CTPS2: variants seen among roughly 807,000 people sequenced by gnomAD.
CTPS2 encodes CTP synthase 2.
A neutral mutation model predicts 46.8 loss-of-function variants in CTPS2; 19 were observed. The observed-to-expected ratio is 0.41, with a 90% CI of 0.28 to 0.60. The LOEUF (loss-of-function observed/expected upper bound fraction) is 0.60. Among genes scored for constraint, CTPS2 ranks in the 20% least tolerant of loss-of-function variants. The probability of loss-of-function intolerance (pLI) is 0.35; values close to 1 mark genes in which losing one functional copy is unlikely to be tolerated. For synonymous variants in CTPS2, 151 were observed against 165.2 expected (o/e 0.91, Z 0.66); for missense variants, 286 against 447.6 (o/e 0.64, Z 3.26).
rs1422077098 is a variant in CTPS2, at chrX:16,660,989, C to T, written c.1296+6525G>A. On this transcript the variant is annotated intron_variant, in intron 13 of 18. Transcript: ENST00000359276. ...TTTTTTTTTTTTTGAGACAGAGTTTCGCTCTTGTTGCCCAGGCTGGAGTGC... is the reference window on the plus strand; with the variant it reads ...TTTTTTTTTTTTTGAGACAGAGTTTTGCTCTTGTTGCCCAGGCTGGAGTGC... Among the ~76,000 whole-genome samples the T allele has an allele frequency of 3.8e-5, 4 of 105,467 alleles. 1 individual carries two copies. In the South Asian group the frequency reaches 1.7e-3, roughly 45 times the overall value. The allele number at this position is 105,467 out of a possible 115,157, so 91.6% of individuals were successfully genotyped here.
chrX:16,673,603 T>C (rs1443873232), intron 10 of CTPS2, among the ~76,000 whole-genome samples: 1 of 111,459 alleles, frequency 9.0e-6, no homozygotes, highest in Non-Finnish European at 1.9e-5. Context: ...AAAGCTTTAA[T>C]TGGTTTAAAA....
At chrX:16,694,123 C>T (rs1432580467) in intron 4 of CTPS2, among the ~76,000 whole-genome samples, 1 of 111,632 alleles carries the variant, frequency 9.0e-6, no homozygotes, top group East Asian at 2.8e-4. Context: ...GAGATCACAC[C>T]GTTGCACTCC....
At chrX:16,664,171 C>T (rs1331181824) in intron 13 of CTPS2, among the ~76,000 whole-genome samples, 1 of 112,162 alleles carries the variant, frequency 8.9e-6, no homozygotes, top group African/African-American at 3.2e-5. Context: ...TACACACACC[C>T]CCAGTAAAGA....
intron 14 of CTPS2, among the ~76,000 whole-genome samples, chrX:16,626,646 C>G (rs1222171332): frequency 9.0e-6 from 1 of 111,229 alleles, no homozygotes; most frequent in South Asian, 3.8e-4. Context: ...CCATGATGCC[C>G]TCTTGCTCTG....
chrX:16,596,909 C>A (rs1302760929), intron 17 of CTPS2, among the ~76,000 whole-genome samples: 2 of 104,739 alleles, frequency 1.9e-5, no homozygotes, highest in African/African-American at 3.6e-5. Flanking sequence ...GATGATATCT[C>A]ATTGTGGTTT....
chrX:16,689,997 A>T (rs769843677), intron 7 of CTPS2, among the ~76,000 whole-genome samples: 12 of 109,494 alleles, frequency 1.1e-4, no homozygotes, highest in Non-Finnish European at 2.1e-4. Flanking sequence ...GGTTGCAGTG[A>T]GTCGAGATCG....
rs758149613 is a variant in CTPS2, at chrX:16,710,465, TG to T, written c.-40+1869del. 4.3e-3 allele frequency among the ~76,000 whole-genome samples: 485 copies of T among 112,797 alleles called. 4 individuals carry two copies. The highest frequency in any genetic ancestry group is 4.3e-3 in the Non-Finnish European group (229 of 53,376). On this transcript the variant is annotated intron_variant, in intron 1 of 18. Transcript: ENST00000359276. Reference sequence around the variant, plus strand: ...TTAAGGCTGTCAGCCGTGACCCTTATGATATCAGCTCTTTCCTCCCCTACAT... The same window carrying T: ...TTAAGGCTGTCAGCCGTGACCCTTATATATCAGCTCTTTCCTCCCCTACAT...
chrX:16,710,914 G>A (rs751188572), intron 1 of CTPS2, among the ~76,000 whole-genome samples: 1 of 112,445 alleles, frequency 8.9e-6, no homozygotes, highest in Non-Finnish European at 1.9e-5. Context: ...ACCATGCCCG[G>A]CCCTCTACTT....
At chrX:16,628,602 G>C (rs57649135) in intron 14 of CTPS2, among the ~76,000 whole-genome samples, 1,350 of 111,434 alleles carry the variant, frequency 0.012, 28 homozygotes, top group African/African-American at 0.042. Context: ...CTGACCTCAA[G>C]TGATTCACCC....
chrX:16,596,929 T>A (rs1235350409), intron 17 of CTPS2, among the ~76,000 whole-genome samples: 3 of 105,902 alleles, frequency 2.8e-5, no homozygotes, highest in African/African-American at 7.1e-5. Context: ...TTGATTTGCA[T>A]TTCTCTGATG....
intron 14 of CTPS2, among the ~76,000 whole-genome samples, chrX:16,633,276 C>T (rs768992201): frequency 1.4e-4 from 15 of 109,572 alleles, no homozygotes; most frequent in Non-Finnish European, 2.1e-4. Flanking sequence ...TTTGTAGAGA[C>T]AGGGTCTCAC....
At chrX:16,622,310 G>A (rs1274834492) in intron 14 of CTPS2, among the ~76,000 whole-genome samples, 1 of 108,443 alleles carries the variant, frequency 9.2e-6, no homozygotes, top group Non-Finnish European at 1.9e-5. Flanking sequence ...GCTGGGGCAC[G>A]AGAATCACTT....
intron 11 of CTPS2, among the ~76,000 whole-genome samples, chrX:16,668,936 C>G (rs1192087646): frequency 9.0e-6 from 1 of 111,430 alleles, no homozygotes; most frequent in Non-Finnish European, 1.9e-5. Flanking sequence ...TCTAACACCC[C>G]AACTCAGAGG....
chrX:16,639,422 G>A (rs1367803704), intron 13 of CTPS2, among the ~76,000 whole-genome samples, 179 bp from the exon 14 acceptor site: 1 of 111,231 alleles, frequency 9.0e-6, no homozygotes, highest in African/African-American at 3.3e-5. Context: ...ACTGCACATT[G>A]TACTTCCTTT....
intron 17 of CTPS2, among the ~76,000 whole-genome samples, chrX:16,596,264 A>T (rs1468050567): frequency 1.8e-5 from 2 of 109,418 alleles, no homozygotes; most frequent in Admixed American, 2.0e-4. Flanking sequence ...ATATGTATAC[A>T]TGTGCCATGC....
chrX:16,634,600 C>A (rs1387749818), intron 14 of CTPS2, among the ~76,000 whole-genome samples: 1 of 112,087 alleles, frequency 8.9e-6, no homozygotes, highest in Non-Finnish European at 1.9e-5. Flanking sequence ...GTTTTCATAA[C>A]CCTTAAGGAA....
intron 16 of CTPS2, among the ~76,000 whole-genome samples, chrX:16,614,622 A>C (rs915532790): frequency 8.9e-6 from 1 of 112,801 alleles, no homozygotes; most frequent in Non-Finnish European, 1.9e-5. Flanking sequence ...CATAAAAAAC[A>C]GCCATGGGCC....
At chrX:16,677,419 G>C (rs1305095788) in intron 10 of CTPS2, among the ~76,000 whole-genome samples, 2 of 111,236 alleles carry the variant, frequency 1.8e-5, no homozygotes, top group African/African-American at 6.6e-5. Context: ...AAATACAAGA[G>C]ACTCTAATAG....
intron 10 of CTPS2, among the ~76,000 whole-genome samples, chrX:16,674,430 T>C (rs919341352): frequency 1.8e-5 from 2 of 111,358 alleles, no homozygotes; most frequent in Admixed American, 9.6e-5. Context: ...CCCAAAGTGC[T>C]GGGATTACAG....
Sources: gnomAD v4.1 joint callset for allele counts (sites outside exome capture counted in the v4.1 genomes callset) on GRCh38, gnomAD v4.1.1 for gene constraint, MANE v1.5 for transcripts, NCBI Gene and HGNC (gene_info 2026-07-23, HGNC 2026-07-21) for gene names.